The following ABLIM1 variants were observed in gnomAD, a reference collection of about 807,000 sequenced individuals.
ABLIM1 encodes the protein actin binding LIM protein 1, also known as actin-binding LIM protein 1.
Under a neutral mutation model 107.0 loss-of-function variants are expected in ABLIM1, and 40 were observed. The ratio of observed to expected loss-of-function variants is 0.37; its 90% CI spans 0.29 to 0.49. The LOEUF is 0.49. ABLIM1 is among the 20% of genes least tolerant of loss of function. The pLI is 0.97. For synonymous variants in ABLIM1, 357 were observed against 357.3 expected, an observed-to-expected ratio of 1.00 and a Z score of 0.01; for missense variants, 857 against 1,008.5, an observed-to-expected ratio of 0.85 and a Z score of 2.04.
chr10:114,788,337 A>ATAAATAAAT, the ABLIM1 span, among the ~76,000 whole-genome samples: 24 of 131,622 alleles, frequency 1.8e-4, no homozygotes, highest in African/African-American at 7.9e-4. Flanking sequence ...AAAAAAATAA[A>ATAAATAAAT]AAAAAAAAAA....
rs776874868 is a variant in ABLIM1 at position 114,451,708 on chromosome 10, A to G, written c.1547-37T>C. The G allele has an allele frequency of 4.5e-6, 7 of 1,572,004 alleles. No homozygotes were observed. In the South Asian group the frequency reaches 8.0e-5, roughly 18 times the overall value. ...AAAAGCAAAGGTGTGTGATTATGGG[A>G]ACCAGTTCAGCGATGGGAAAAACAG... On this transcript the variant is annotated intron_variant, in intron 13 of 22. Transcript: ENST00000533213.
intron 7 of ABLIM1, among the ~76,000 whole-genome samples, chr10:114,489,693 G>A (rs1282830342): frequency 6.6e-6 from 1 of 152,154 alleles, no homozygotes; most frequent in Non-Finnish European, 1.5e-5. Context: ...AGGAGTCACT[G>A]GCCAGGACAC....
intron 3 of ABLIM1, among the ~76,000 whole-genome samples, chr10:114,573,990 AT>A (rs2072090459): frequency 6.6e-6 from 1 of 152,244 alleles, no homozygotes; most frequent in African/African-American, 2.4e-5. Context: ...ATTTAAAAAA[AT>A]GAAATAGAGA....
At chr10:114,466,791 C>A (rs560849189) in intron 11 of ABLIM1, among the ~76,000 whole-genome samples, 1 of 152,144 alleles carries the variant, frequency 6.6e-6, no homozygotes, top group Admixed American at 6.5e-5. Flanking sequence ...TATTCAAATA[C>A]TTTCATAGTA....
chr10:114,585,897 C>T (rs1044197822), intron 2 of ABLIM1, among the ~76,000 whole-genome samples: 20 of 152,164 alleles, frequency 1.3e-4, no homozygotes, highest in Admixed American at 9.8e-4. Context: ...ATTGTCTCCT[C>T]GTCTCGACTG....
At chr10:114,570,694 C>T (rs1198343965) in intron 4 of ABLIM1, among the ~76,000 whole-genome samples, 2 of 147,624 alleles carry the variant, frequency 1.4e-5, no homozygotes, top group Admixed American at 6.9e-5. Context: ...CCTCAACCTT[C>T]GCCTCCCAGG....
chr10:114,695,736 C>T (rs2081181344), intron 1 of ABLIM1, among the ~76,000 whole-genome samples: 1 of 152,072 alleles, frequency 6.6e-6, no homozygotes, highest in Admixed American at 6.6e-5. Flanking sequence ...GGAGACAATG[C>T]CATGGCATTT....
chr10:114,543,412 A>G (rs2066932286), intron 6 of ABLIM1, among the ~76,000 whole-genome samples: 1 of 152,196 alleles, frequency 6.6e-6, no homozygotes, highest in South Asian at 2.1e-4. Flanking sequence ...GCATCATACA[A>G]TATGTGGCTT....
intron 1 of ABLIM1, among the ~76,000 whole-genome samples, chr10:114,757,686 C>T (rs746344320): frequency 6.6e-6 from 1 of 152,212 alleles, no homozygotes; most frequent in Non-Finnish European, 1.5e-5. Flanking sequence ...TTGACCATTA[C>T]GGTAGCCTCC....
Position 114,707,178 on chromosome 10 carries a change from C to T in ABLIM1, c.-213+60883G>A, listed in dbSNP as rs1190805044. Among the ~76,000 whole-genome samples, 2 of 152,126 alleles carry T rather than the reference C, an allele frequency of 1.3e-5. No homozygotes were observed. The highest frequency in any genetic ancestry group is 4.8e-5 in the African/African-American group (2 of 41,418). Reference sequence around the variant, plus strand: ...CCACATGTGATGAGTGACTACCATACATACAGTGCAATTAGAGACCATCAT... The same window carrying T: ...CCACATGTGATGAGTGACTACCATATATACAGTGCAATTAGAGACCATCAT... On this transcript the variant is annotated intron_variant, in intron 1 of 15. Coordinates refer to the ABLIM1 transcript ENST00000651092. The surrounding 1 kb of genome is among the most constrained non-coding windows in gnomAD (Gnocchi z 4.1).
At chr10:114,505,504 G>C (rs1205925168) in intron 6 of ABLIM1, among the ~76,000 whole-genome samples, 3 of 152,210 alleles carry the variant, frequency 2.0e-5, no homozygotes, top group Non-Finnish European at 2.9e-5. Flanking sequence ...ACATCTCCTA[G>C]TTGCCAAATA....
chr10:114,798,559 C>G, the ABLIM1 span, among the ~76,000 whole-genome samples: 3 of 141,972 alleles, frequency 2.1e-5, no homozygotes, highest in East Asian at 3.9e-4. Context: ...TGATGAGACC[C>G]CCCCCCCATG....
chr10:114,749,702 G>A (rs989920314), intron 1 of ABLIM1, among the ~76,000 whole-genome samples: 43 of 151,754 alleles, frequency 2.8e-4, no homozygotes, highest in African/African-American at 9.9e-4. Flanking sequence ...GCTCCCCCAC[G>A]CCCCACCATC....
intron 5 of ABLIM1, among the ~76,000 whole-genome samples, chr10:114,546,992 A>G (rs1000102362): frequency 5.9e-5 from 9 of 151,664 alleles, no homozygotes; most frequent in Non-Finnish European, 8.8e-5. Context: ...AGGTCTTGCT[A>G]TGTTGCTCAG....
chr10:114,519,089 G>T (rs1286147016), intron 6 of ABLIM1, among the ~76,000 whole-genome samples: 1 of 152,112 alleles, frequency 6.6e-6, no homozygotes, highest in Non-Finnish European at 1.5e-5. Context: ...AGATAGCTTT[G>T]GTTTGTACAG....
At chr10:114,669,781 C>T (rs938517292) in intron 1 of ABLIM1, among the ~76,000 whole-genome samples, 1 of 152,050 alleles carries the variant, frequency 6.6e-6, no homozygotes, top group African/African-American at 2.4e-5. Context: ...ACAGATGGAT[C>T]ATCTGGAGCT....
At chr10:114,758,766 G>A (rs551307524) in intron 1 of ABLIM1, among the ~76,000 whole-genome samples, 1 of 151,990 alleles carries the variant, frequency 6.6e-6, no homozygotes, top group South Asian at 2.1e-4. Context: ...AAAGACCCTG[G>A]ACACAGCCTA....
At chr10:114,448,631 T>G (rs1288905540) in intron 14 of ABLIM1, among the ~76,000 whole-genome samples, 1 of 118,428 alleles carries the variant, frequency 8.4e-6, no homozygotes, top group Non-Finnish European at 1.7e-5. Flanking sequence ...TATTATTATT[T>G]GAGACAGAGT....
Position 114,500,711 on chromosome 10 carries a change from G to GGGAAGGGAAA in ABLIM1, c.895-8843_895-8834dup, listed in dbSNP as rs1565642844. Among the ~76,000 whole-genome samples, 125 of 114,364 alleles carry GGGAAGGGAAA rather than the reference G, an allele frequency of 1.1e-3. 2 individuals are homozygous for GGGAAGGGAAA. The highest frequency in any genetic ancestry group is 1.5e-3 in the Admixed American group (14 of 9,526). 75.0% of individuals were successfully genotyped at this position (114,364 alleles called of 152,430 possible). On this transcript the variant is annotated intron_variant, in intron 6 of 22. Coordinates refer to ENST00000533213, the MANE Select transcript of ABLIM1 (RefSeq NM_002313.7). ...AAAAAAAAAAAAAAAAGAAAGAGAA[G>GGGAAGGGAAA]GGAAGGGAAAGGAAGGGAAAGGAAG...
Sources: gnomAD v4.1 joint callset for allele counts (sites outside exome capture counted in the v4.1 genomes callset) on GRCh38, gnomAD v4.1.1 for gene constraint, Gnocchi (gnomAD v3.1) non-coding constraint, MANE v1.5 for transcripts, NCBI Gene and HGNC (gene_info 2026-07-23, HGNC 2026-07-21) for gene names.